The following PTPRD variants were observed in gnomAD, a reference collection of about 807,000 sequenced individuals.
PTPRD encodes protein tyrosine phosphatase receptor type D.
A neutral mutation model predicts 214.5 loss-of-function variants in PTPRD; 34 were observed. That is an observed-to-expected ratio of 0.16 (90% CI 0.12 to 0.21). The LOEUF (loss-of-function observed/expected upper bound fraction) is 0.21. Ranked by LOEUF, PTPRD falls within the 10% of genes least tolerant of loss-of-function variation. The pLI, the probability that PTPRD is intolerant of heterozygous loss-of-function variation, is 1.00. For synonymous variants in PTPRD, 1,128 were observed against 845.7 expected (o/e 1.33, Z -5.79); for missense variants, 2,545 against 2,398.7 (o/e 1.06, Z -1.27).
chr9:10,284,974 G>C (rs1249723056), intron 3 of PTPRD, among the ~76,000 whole-genome samples: 1 of 151,988 alleles, frequency 6.6e-6, no homozygotes, highest in Non-Finnish European at 1.5e-5. Flanking sequence ...ACTTCATTTT[G>C]GACACTATTC....
rs568653884 is a variant in PTPRD at position 10,310,311 on chromosome 9, A to G, written c.-545+30652T>C. Among the ~76,000 whole-genome samples, 10 of 152,230 alleles carry G rather than the reference A, an allele frequency of 6.6e-5. No homozygotes were observed. In the South Asian group the frequency reaches 2.1e-3, roughly 32 times the overall value. On this transcript the variant is annotated intron_variant, in intron 3 of 45. Coordinates refer to ENST00000381196, the MANE Select transcript of PTPRD (RefSeq NM_002839.4). ...TAATGTACATAGCAAAAGAAATATC[A>G]AGGCAAAATATACCTTCTCTTGCCC...
At chr9:8,745,932 G>C (rs994590044) in intron 11 of PTPRD, among the ~76,000 whole-genome samples, 1 of 152,000 alleles carries the variant, frequency 6.6e-6, no homozygotes, top group African/African-American at 2.4e-5. Flanking sequence ...AGAGTATCCG[G>C]GAATACTGGC....
At chr9:8,341,342 C>T (rs1220451870) in intron 40 of PTPRD, 74 bp from the exon 41 acceptor site, 1 of 1,411,862 alleles carries the variant, frequency 7.1e-7, no homozygotes. Context: ...ATGCAGTGTA[C>T]CCCAGATTTC....
chr9:8,810,224 T>C (rs1266966224), intron 11 of PTPRD, among the ~76,000 whole-genome samples: 9 of 152,192 alleles, frequency 5.9e-5, no homozygotes. Flanking sequence ...TATGATAGAC[T>C]TTGGAAAGAA....
intron 3 of PTPRD, among the ~76,000 whole-genome samples, chr9:10,201,130 G>C (rs955777990): frequency 6.6e-6 from 1 of 151,942 alleles, no homozygotes; most frequent in African/African-American, 2.4e-5. Context: ...ACTCTTGCTT[G>C]GAAAAGACAG....
chr9:8,730,290 T>C (rs1327619560), intron 12 of PTPRD, among the ~76,000 whole-genome samples: 2 of 151,800 alleles, frequency 1.3e-5, no homozygotes, highest in African/African-American at 4.8e-5. Flanking sequence ...ATATTGCGAG[T>C]ATATAGTGAC....
At chr9:8,373,505 T>C (rs1028579450) in intron 39 of PTPRD, among the ~76,000 whole-genome samples, 7 of 151,964 alleles carry the variant, frequency 4.6e-5, no homozygotes, top group Non-Finnish European at 1.0e-4. Context: ...CACTTCCAAA[T>C]GTCAGCAGCT....
intron 8 of PTPRD, among the ~76,000 whole-genome samples, chr9:9,466,663 C>T (rs2094181799): frequency 6.6e-6 from 1 of 152,142 alleles, no homozygotes; most frequent in African/African-American, 2.4e-5. Context: ...TATGGATAGA[C>T]AACTTATTTG....
chr9:8,607,692 G>T (rs1337678985), intron 14 of PTPRD, among the ~76,000 whole-genome samples: 4 of 152,102 alleles, frequency 2.6e-5, no homozygotes, highest in African/African-American at 9.6e-5. Flanking sequence ...AATGGGAGTG[G>T]CCCCTGGTTA....
At position 8,761,865 on chromosome 9, in the gene PTPRD, T is replaced by C. The variant is rs1333496898; in HGVS notation, c.-103-27919A>G. 3.3e-5 allele frequency among the ~76,000 whole-genome samples: 5 copies of C among 152,148 alleles called. No homozygotes were observed. The East Asian group carries it at 9.6e-4, about 29-fold the overall frequency. On this transcript the variant is annotated intron_variant, in intron 11 of 45. Coordinates refer to ENST00000381196, the MANE Select transcript of PTPRD (RefSeq NM_002839.4). ...ATTACAGTTTTAGTTTTAAATATATTTGCAAAGTGGCCTACATGTGGATAC... is the reference window on the plus strand; with the variant it reads ...ATTACAGTTTTAGTTTTAAATATATCTGCAAAGTGGCCTACATGTGGATAC...
chr9:8,613,952 T>C (rs539686330), intron 14 of PTPRD, among the ~76,000 whole-genome samples: 1 of 150,536 alleles, frequency 6.6e-6, no homozygotes, highest in Non-Finnish European at 1.5e-5. Flanking sequence ...TTCTTGCAGT[T>C]TTTTTTTTTT....
At chr9:8,637,427 C>T (rs2096468251) in intron 12 of PTPRD, among the ~76,000 whole-genome samples, 1 of 152,142 alleles carries the variant, frequency 6.6e-6, no homozygotes, top group Admixed American at 6.5e-5. Context: ...TGAAACTTAG[C>T]TCCACAATTT....
intron 4 of PTPRD, among the ~76,000 whole-genome samples, chr9:10,003,503 A>C (rs2096386944): frequency 6.6e-6 from 1 of 151,778 alleles, no homozygotes; most frequent in Non-Finnish European, 1.5e-5. Flanking sequence ...AATTAGATTA[A>C]AAAGGGCCGA....
intron 44 of PTPRD, among the ~76,000 whole-genome samples, chr9:8,329,247 T>C (rs1454771670): frequency 6.6e-6 from 1 of 152,160 alleles, no homozygotes; most frequent in African/African-American, 2.4e-5. Context: ...TGTCTGTCTG[T>C]TTGTTATTTT....
rs1024582987 is a variant in PTPRD, at chr9:8,317,243, G to C, written c.*631C>G. On this transcript the variant is annotated 3_prime_UTR_variant, in exon 46 of 46. Coordinates refer to ENST00000381196, the MANE Select transcript of PTPRD (RefSeq NM_002839.4). Reference sequence around the variant, plus strand: ...ACAGCTTAAAAAAACCTACGATTTGGAAATAAAAAAATGAAGAGTTATGTA... The same window carrying C: ...ACAGCTTAAAAAAACCTACGATTTGCAAATAAAAAAATGAAGAGTTATGTA... 4.3e-6 allele frequency: 1 copy of C among 231,680 alleles called. No individual in the cohort carries two copies. The highest frequency in any genetic ancestry group is 2.2e-5 in the African/African-American group (1 of 45,162). The allele number at this position is 231,680 out of a possible 1,614,324, so 14.4% of individuals were successfully genotyped here. A position where few individuals can be genotyped will look rare whatever the true frequency, so the allele number is the denominator to read the frequency against.
chr9:9,996,562 G>A (rs754116759), intron 4 of PTPRD, among the ~76,000 whole-genome samples: 4 of 152,188 alleles, frequency 2.6e-5, no homozygotes, highest in Non-Finnish European at 4.4e-5. Flanking sequence ...CTGACCTTGA[G>A]CCTTTGTGAA....
At chr9:9,513,118 T>G (rs993819631) in intron 8 of PTPRD, among the ~76,000 whole-genome samples, 1 of 151,918 alleles carries the variant, frequency 6.6e-6, no homozygotes, top group Admixed American at 6.6e-5. Flanking sequence ...AATAACAAGA[T>G]AGTATATGTC....
At chr9:8,469,697 A>C (rs186891098) in intron 31 of PTPRD, among the ~76,000 whole-genome samples, 144 of 152,170 alleles carry the variant, frequency 9.5e-4, no homozygotes, top group Non-Finnish European at 2.1e-4. Flanking sequence ...AACATATCTA[A>C]ATTACTTGAT....
At chr9:10,586,889 A>C (rs1023610348) in intron 2 of PTPRD, among the ~76,000 whole-genome samples, 1 of 151,904 alleles carries the variant, frequency 6.6e-6, no homozygotes, top group Admixed American at 6.6e-5. Flanking sequence ...TTAACCCCAC[A>C]AAGTATTTAA....
Sources: gnomAD v4.1 joint callset for allele counts (sites outside exome capture counted in the v4.1 genomes callset) on GRCh38, gnomAD v4.1.1 for gene constraint, MANE v1.5 for transcripts, NCBI Gene and HGNC (gene_info 2026-07-23, HGNC 2026-07-21) for gene names.